The following PRKCE variants were observed in gnomAD, a reference collection of about 807,000 sequenced individuals.
PRKCE encodes protein kinase C epsilon type.
Under a neutral mutation model 85.4 loss-of-function variants are expected in PRKCE, and 16 were observed. That is an observed-to-expected ratio of 0.19 (90% CI 0.13 to 0.28). The LOEUF (loss-of-function observed/expected upper bound fraction) is 0.28. Ranked by LOEUF, PRKCE falls within the 10% of genes least tolerant of loss-of-function variation. The pLI, the probability that PRKCE is intolerant of heterozygous loss-of-function variation, is 1.00. For synonymous variants in PRKCE, 388 were observed against 371.5 expected, an observed-to-expected ratio of 1.04 and a Z score of -0.51; for missense variants, 573 against 975.2, an observed-to-expected ratio of 0.59 and a Z score of 5.49.
At chr2:46,102,754 A>G (rs1671358527) in intron 11 of PRKCE, among the ~76,000 whole-genome samples, 1 of 152,152 alleles carries the variant, frequency 6.6e-6, no homozygotes, top group Admixed American at 6.5e-5. Context: ...TGTTTTCCTC[A>G]TGATTAGACT....
At chr2:45,935,065 T>TCACACACACACACACA (rs758047038) in intron 2 of PRKCE, among the ~76,000 whole-genome samples, 2 of 107,124 alleles carry the variant, frequency 1.9e-5, no homozygotes, top group South Asian at 7.4e-4. Context: ...TCACTCTCTC[T>TCACACACACACACACA]CTCACACACA....
chr2:46,136,220 GA>G (rs1265788276), intron 11 of PRKCE, among the ~76,000 whole-genome samples: 3 of 152,166 alleles, frequency 2.0e-5, no homozygotes, highest in Non-Finnish European at 4.4e-5. Flanking sequence ...GAGGGCATTG[GA>G]AAACGAGCGA....
At chr2:46,013,765 T>G (rs1375369559) in intron 10 of PRKCE, among the ~76,000 whole-genome samples, 1 of 152,202 alleles carries the variant, frequency 6.6e-6, no homozygotes, top group Non-Finnish European at 1.5e-5. Flanking sequence ...AGGTGAGCCT[T>G]TATTTTTCAA....
intron 8 of PRKCE, among the ~76,000 whole-genome samples, chr2:46,006,315 T>G (rs1421917205): frequency 6.6e-6 from 1 of 152,232 alleles, no homozygotes; most frequent in South Asian, 2.1e-4. Flanking sequence ...ATTGTGAGAT[T>G]AAAAGTTATT....
chr2:46,029,996 G>A (rs756965515), intron 10 of PRKCE, among the ~76,000 whole-genome samples: 4 of 151,996 alleles, frequency 2.6e-5, no homozygotes, highest in East Asian at 1.9e-4. Context: ...AAACCCACCC[G>A]CAAAACATGG....
At chr2:45,900,464 C>T (rs186767356) in intron 2 of PRKCE, among the ~76,000 whole-genome samples, 53 of 152,328 alleles carry the variant, frequency 3.5e-4, no homozygotes, top group Non-Finnish European at 6.8e-4. Context: ...ATACATGCTA[C>T]GCCATGGACA....
intron 2 of PRKCE, among the ~76,000 whole-genome samples, chr2:45,933,388 C>T (rs1230806689): frequency 2.6e-5 from 4 of 151,478 alleles, no homozygotes; most frequent in Non-Finnish European, 5.9e-5. Flanking sequence ...AACAGGCTGC[C>T]TACCTGAATG....
At chr2:46,061,653 C>A (rs1667134543) in intron 10 of PRKCE, among the ~76,000 whole-genome samples, 1 of 151,962 alleles carries the variant, frequency 6.6e-6, no homozygotes, top group Admixed American at 6.6e-5. Flanking sequence ...TGGGGGCCAA[C>A]CCCCAAGCCA....
chr2:46,019,564 A>G (rs1011834929), intron 10 of PRKCE, among the ~76,000 whole-genome samples: 2 of 152,242 alleles, frequency 1.3e-5, no homozygotes, highest in African/African-American at 4.8e-5. Flanking sequence ...CAGTTTTACT[A>G]TTCAAAGTGT....
intron 10 of PRKCE, among the ~76,000 whole-genome samples, chr2:46,054,284 G>T (rs1404381456): frequency 6.6e-6 from 1 of 152,202 alleles, no homozygotes; most frequent in Non-Finnish European, 1.5e-5. Flanking sequence ...GGCTATGGGA[G>T]TGACCTCCCC....
chr2:45,886,776 A>G (rs906937823), intron 2 of PRKCE, among the ~76,000 whole-genome samples: 1 of 152,348 alleles, frequency 6.6e-6, no homozygotes, highest in East Asian at 1.9e-4. Context: ...CTGAAAAGTT[A>G]TGAGTATTAA....
intron 1 of PRKCE, among the ~76,000 whole-genome samples, chr2:45,809,137 G>A (rs1383199312): frequency 6.6e-6 from 1 of 152,082 alleles, no homozygotes; most frequent in Non-Finnish European, 1.5e-5. Flanking sequence ...CTAGACTAGG[G>A]CCCCCTTCTA....
At chr2:45,928,634 A>T (rs1368606992) in intron 2 of PRKCE, among the ~76,000 whole-genome samples, 1 of 152,196 alleles carries the variant, frequency 6.6e-6, no homozygotes, top group Non-Finnish European at 1.5e-5. Flanking sequence ...TGTGTATAGA[A>T]GTAATGGTAG....
chr2:46,132,787 A>G (rs1301107738), intron 11 of PRKCE, among the ~76,000 whole-genome samples: 4 of 152,260 alleles, frequency 2.6e-5, no homozygotes, highest in African/African-American at 9.6e-5. Flanking sequence ...CAAATTAAAC[A>G]AATACAAATG....
At chr2:45,842,864 C>A (rs933737247) in intron 1 of PRKCE, 136 bp from the exon 2 acceptor site, 2 of 797,182 alleles carry the variant, frequency 2.5e-6, no homozygotes, top group African/African-American at 3.4e-5. Context: ...TCACCTAGCA[C>A]TCAACACATT....
In PRKCE at chr2:45,817,167, C is replaced by T. The variant is rs556936327; in HGVS notation, c.349-25833C>T. ...CCTCTTTTGGGCAACGCTTTGCAGC[C>T]CTGCCTGCAACCCTAGGCCTTGTCA... On this transcript the variant is annotated intron_variant, in intron 1 of 14. Coordinates refer to ENST00000306156, the MANE Select transcript of PRKCE (RefSeq NM_005400.3). Among the ~76,000 whole-genome samples, 21 of 151,160 alleles carry T rather than the reference C, an allele frequency of 1.4e-4. No individual in the cohort carries two copies. In the East Asian group the frequency reaches 4.1e-3, roughly 29 times the overall value.
chr2:45,746,963 C>G (rs918737096), intron 1 of PRKCE, among the ~76,000 whole-genome samples: 1 of 152,184 alleles, frequency 6.6e-6, no homozygotes, highest in African/African-American at 2.4e-5. Flanking sequence ...AAGCCTCAGT[C>G]CCCGCCACCT....
chr2:45,785,286 T>A (rs1573348379), intron 1 of PRKCE, among the ~76,000 whole-genome samples: 1 of 151,950 alleles, frequency 6.6e-6, no homozygotes, highest in Non-Finnish European at 1.5e-5. Context: ...AGGTCAGGAG[T>A]TAGAGACCAG....
chr2:45,982,479 G>T (rs1702972656), intron 5 of PRKCE, among the ~76,000 whole-genome samples: 1 of 152,190 alleles, frequency 6.6e-6, no homozygotes, highest in South Asian at 2.1e-4. Flanking sequence ...TTAGCATGCG[G>T]TGGACTCACA....
Sources: allele counts gnomAD v4.1 joint callset (sites outside exome capture counted in the v4.1 genomes callset), GRCh38; gene constraint gnomAD v4.1.1; transcripts MANE v1.5; gene names NCBI Gene and HGNC (gene_info 2026-07-23, HGNC 2026-07-21).